COL21A1: variants seen among roughly 807,000 people sequenced by gnomAD.
COL21A1 encodes collagen type XXI alpha 1 chain, also known as collagen alpha-1(XXI) chain.
In COL21A1, 149 loss-of-function variants were observed where a neutral mutation model predicts 137.9. The ratio of observed to expected loss-of-function variants is 1.08; its 90% CI spans 0.95 to 1.24. COL21A1 has a LOEUF of 1.24. Ranked by LOEUF, COL21A1 falls within the 50% of genes most tolerant of loss-of-function variation. The pLI, the probability that COL21A1 is intolerant of heterozygous loss-of-function variation, is 0.00. For synonymous variants in COL21A1, 456 were observed against 391.5 expected (o/e 1.16, Z -1.95); for missense variants, 1,167 against 1,158.4 (o/e 1.01, Z -0.11).
intron 7 of COL21A1, among the ~76,000 whole-genome samples, chr6:56,166,286 T>C (rs890219880): frequency 3.3e-5 from 5 of 152,324 alleles, no homozygotes; most frequent in African/African-American, 1.2e-4. Context: ...CAAAGCATCC[T>C]ACATTTTTCT....
chr6:56,161,700 G>C (rs1416393191), intron 9 of COL21A1, among the ~76,000 whole-genome samples: 1 of 152,124 alleles, frequency 6.6e-6, no homozygotes, highest in African/African-American at 2.4e-5. Context: ...TCTTCCAGGA[G>C]ATTACAGTCT....
chr6:56,066,605 C>T (rs1047704549), intron 23 of COL21A1, among the ~76,000 whole-genome samples: 9 of 151,734 alleles, frequency 5.9e-5, no homozygotes, highest in African/African-American at 2.2e-4. Flanking sequence ...GTTGAAAGAA[C>T]ATCAGATATA....
chr6:56,237,460 C>T (rs1311234069), intron 1 of COL21A1, among the ~76,000 whole-genome samples: 1 of 152,070 alleles, frequency 6.6e-6, no homozygotes, highest in Non-Finnish European at 1.5e-5. Context: ...TAAATTAAGT[C>T]ATTAGTGTTC....
intron 1 of COL21A1, among the ~76,000 whole-genome samples, chr6:56,343,644 T>C (rs1238870738): frequency 6.6e-6 from 1 of 152,156 alleles, no homozygotes; most frequent in African/African-American, 2.4e-5. Context: ...AACTTCACAA[T>C]AATAATTGAT....
At chr6:56,080,594 A>G (rs1316664136) in intron 17 of COL21A1, among the ~76,000 whole-genome samples, 1 of 151,808 alleles carries the variant, frequency 6.6e-6, no homozygotes, top group African/African-American at 2.4e-5. Context: ...TAATGAATGT[A>G]TTTACTTATC....
intron 12 of COL21A1, among the ~76,000 whole-genome samples, chr6:56,128,570 G>C (rs1773236985): frequency 6.6e-6 from 1 of 152,174 alleles, no homozygotes; most frequent in South Asian, 2.1e-4. Context: ...TTATAGGACT[G>C]GCTGACCGCA....
intron 17 of COL21A1, chr6:56,091,550 G>C (rs906504254): frequency 2.0e-5 from 3 of 152,590 alleles, no homozygotes; most frequent in African/African-American, 7.2e-5. Flanking sequence ...TGGAGCTCCA[G>C]GGATCTCAGC....
rs373996991 is a variant in COL21A1, at chr6:56,179,938, A to G, written c.280T>C (p.Tyr94His). The change falls in exon 3 of 30, where the codon TAT becomes CAT. Residue 94 changes from tyrosine (Y) to histidine (H), a missense_variant. Coordinates refer to ENST00000244728, the MANE Select transcript of COL21A1 (RefSeq NM_030820.4). ...GCCGTCAAATGTTCTCCTGAATCAT[A>G]GCTTCCGAGAGGAATCTCCAGCACA... Reference protein sequence around the residue: ...YPVLEIPLGSYDSGEHLTAAV... With the variant: ...YPVLEIPLGSHDSGEHLTAAV... 397 of 1,613,950 alleles carry G rather than the reference A, an allele frequency of 2.5e-4. 2 individuals are homozygous for G. In the South Asian group the frequency reaches 4.2e-3, roughly 17 times the overall value.
rs548024283 is a variant in COL21A1 at position 56,210,162 on chromosome 6, G to T, written c.-38-27506C>A. On this transcript the variant is annotated intron_variant, in intron 1 of 29. Transcript: ENST00000244728. ...AGGAGGAATACCTAACGCAGATGAC[G>T]ATTTGATGGGTGCAGCAAACCACCA... Among the ~76,000 whole-genome samples, 23 of 152,164 alleles carry T rather than the reference G, an allele frequency of 1.5e-4. 1 individual carries two copies. The East Asian group carries it at 4.5e-3, about 29-fold the overall frequency.
intron 16 of COL21A1, among the ~76,000 whole-genome samples, chr6:56,107,088 A>T (rs1345464040): frequency 6.6e-6 from 1 of 152,200 alleles, no homozygotes; most frequent in Admixed American, 6.5e-5. Flanking sequence ...CGCCCGGCCA[A>T]GTATTTTTAT....
intron 1 of COL21A1, among the ~76,000 whole-genome samples, chr6:56,361,778 GGTGT>G (rs141505238): frequency 6.6e-6 from 1 of 150,954 alleles, no homozygotes; most frequent in Non-Finnish European, 1.5e-5. Context: ...GTGTGTGTGT[GGTGT>G]GTGTGTGTGT....
intron 16 of COL21A1, among the ~76,000 whole-genome samples, chr6:56,114,280 C>A (rs1324688955): frequency 2.0e-5 from 3 of 152,196 alleles, no homozygotes; most frequent in Non-Finnish European, 1.5e-5. Context: ...GTGCTGGCTT[C>A]AGATCTGACC....
intron 1 of COL21A1, among the ~76,000 whole-genome samples, chr6:56,391,765 C>T (rs1462838164): frequency 1.3e-5 from 2 of 152,010 alleles, no homozygotes; most frequent in African/African-American, 2.4e-5. Flanking sequence ...CAACTGGATA[C>T]ATTATACAAT....
intron 1 of COL21A1, among the ~76,000 whole-genome samples, chr6:56,306,770 G>GTGAGGAGC (rs200048589): frequency 0.84 from 126,495 of 150,214 alleles, 55,243 homozygotes; most frequent in South Asian, 0.97. Context: ...TCCGTTGCTG[G>GTGAGGAGC]TGCATTCCTT....
chr6:56,201,035 T>C (rs1211279009), intron 1 of COL21A1, among the ~76,000 whole-genome samples: 1 of 152,190 alleles, frequency 6.6e-6, no homozygotes, highest in Non-Finnish European at 1.5e-5. Flanking sequence ...GGTTTTGATT[T>C]GCATTTCTCT....
rs531080051 is a variant in COL21A1, at chr6:56,102,159, G to T, written c.1759-634C>A. Among the ~76,000 whole-genome samples the T allele has an allele frequency of 3.3e-5, 5 of 152,186 alleles. No individual in the cohort carries two copies. In the South Asian group the frequency reaches 1.0e-3, roughly 32 times the overall value. ...TGGAAGCTAAATTTTTTTCCTAAATGAATCAATTGCTAGTGAATACAAATG... is the reference window on the plus strand; with the variant it reads ...TGGAAGCTAAATTTTTTTCCTAAATTAATCAATTGCTAGTGAATACAAATG... On this transcript the variant is annotated intron_variant, in intron 16 of 29. Coordinates refer to ENST00000244728, the MANE Select transcript of COL21A1 (RefSeq NM_030820.4).
At chr6:56,097,242 C>T (rs1025255041) in intron 17 of COL21A1, among the ~76,000 whole-genome samples, 2 of 152,100 alleles carry the variant, frequency 1.3e-5, no homozygotes, top group Non-Finnish European at 2.9e-5. Flanking sequence ...GTTCCCCAAT[C>T]CATTGGGCTG....
intron 1 of COL21A1, among the ~76,000 whole-genome samples, chr6:56,367,856 A>T (rs1562074446): frequency 6.6e-6 from 1 of 152,208 alleles, no homozygotes; most frequent in African/African-American, 2.4e-5. Flanking sequence ...CTGGGACTAC[A>T]GGCATACGCC....
At chr6:56,208,077 A>G (rs1400765804) in intron 1 of COL21A1, among the ~76,000 whole-genome samples, 1 of 152,188 alleles carries the variant, frequency 6.6e-6, no homozygotes, top group African/African-American at 2.4e-5. Context: ...AGCCAATGTT[A>G]TACTGAATGG....
Sources: gnomAD v4.1 joint callset for allele counts (sites outside exome capture counted in the v4.1 genomes callset) on GRCh38, gnomAD v4.1.1 for gene constraint, MANE v1.5 for transcripts, NCBI Gene and HGNC (gene_info 2026-07-23, HGNC 2026-07-21) for gene names.